MAP4K3: variants seen among roughly 807,000 people sequenced by gnomAD.
MAP4K3 encodes mitogen-activated protein kinase kinase kinase kinase 3.
In MAP4K3, 94 loss-of-function variants were observed where a neutral mutation model predicts 143.5. The observed-to-expected ratio is 0.65, with a 90% CI of 0.55 to 0.78. The LOEUF (loss-of-function observed/expected upper bound fraction) is 0.78, where lower values mean the gene tolerates loss of function less well. Among genes scored for constraint, MAP4K3 ranks in the 30% least tolerant of loss-of-function variants. The pLI is 0.00. For missense variants in MAP4K3, 1,077 were observed against 1,068.1 expected, an observed-to-expected ratio of 1.01 and a Z score of -0.12; for synonymous variants, 416 against 347.2, an observed-to-expected ratio of 1.20 and a Z score of -2.20.
chr2:39,359,763 G>T (rs542623935), intron 2 of MAP4K3, among the ~76,000 whole-genome samples: 1 of 152,376 alleles, frequency 6.6e-6, no homozygotes, highest in African/African-American at 2.4e-5. Context: ...CTTGGGGCTT[G>T]CACCCTCTGA....
At chr2:39,376,606 T>C (rs552127960) in intron 2 of MAP4K3, among the ~76,000 whole-genome samples, 1 of 152,270 alleles carries the variant, frequency 6.6e-6, no homozygotes, top group South Asian at 2.1e-4. Flanking sequence ...ACAAATTTGA[T>C]TAAAACTTAG....
At chr2:39,322,588 GTA>G (rs1206784926) in intron 12 of MAP4K3, among the ~76,000 whole-genome samples, 297 of 87,604 alleles carry the variant, frequency 3.4e-3, no homozygotes, top group African/African-American at 0.013. Context: ...CTTAGATGTG[GTA>G]TATGTGTGTG....
chr2:39,320,958 G>T (rs1288560023), intron 12 of MAP4K3, among the ~76,000 whole-genome samples: 1 of 152,042 alleles, frequency 6.6e-6, no homozygotes, highest in African/African-American at 2.4e-5. Flanking sequence ...CACAGTGTAG[G>T]TACATCTCAG....
intron 1 of MAP4K3, among the ~76,000 whole-genome samples, chr2:39,432,618 A>T (rs565451280): frequency 1.3e-5 from 2 of 152,356 alleles, no homozygotes; most frequent in East Asian, 3.9e-4. Context: ...TAGGTTTAAG[A>T]ATTGAGTTTT....
intron 2 of MAP4K3, among the ~76,000 whole-genome samples, chr2:39,365,149 C>A (rs1177294572): frequency 1.3e-5 from 2 of 152,154 alleles, no homozygotes; most frequent in Non-Finnish European, 2.9e-5. Flanking sequence ...TGCTATCTGT[C>A]ATGTGATGCT....
intron 2 of MAP4K3, among the ~76,000 whole-genome samples, chr2:39,366,731 T>G (rs1205107219): frequency 6.6e-6 from 1 of 152,238 alleles, no homozygotes; most frequent in Non-Finnish European, 1.5e-5. Flanking sequence ...AGTTGTCAAT[T>G]ACTGTGTCAA....
At chr2:39,284,032 C>T (rs1277058134) in intron 21 of MAP4K3, among the ~76,000 whole-genome samples, 1 of 152,116 alleles carries the variant, frequency 6.6e-6, no homozygotes, top group Non-Finnish European at 1.5e-5. Flanking sequence ...TGAGGATGCG[C>T]ACATCTTATT....
chr2:39,359,041 AGT>A (rs1002080839), intron 2 of MAP4K3, among the ~76,000 whole-genome samples: 1 of 152,186 alleles, frequency 6.6e-6, no homozygotes, highest in Non-Finnish European at 1.5e-5. Flanking sequence ...TCAACCCAAA[AGT>A]CCAAGTCCAA....
At chr2:39,405,467 G>C (rs1411658827) in intron 1 of MAP4K3, among the ~76,000 whole-genome samples, 1 of 152,170 alleles carries the variant, frequency 6.6e-6, no homozygotes, top group Non-Finnish European at 1.5e-5. Context: ...AACAAGCCCA[G>C]ACTAGAAAGA....
intron 26 of MAP4K3, among the ~76,000 whole-genome samples, chr2:39,269,419 A>G (rs1680918216): frequency 2.0e-5 from 3 of 151,654 alleles, no homozygotes; most frequent in African/African-American, 7.3e-5. Context: ...TCCCTCCAAT[A>G]AAGAGGTAGG....
In MAP4K3 at chr2:39,286,412, A is replaced by G. The variant is rs1681779484; in HGVS notation, c.1587+440T>C. Among the ~76,000 whole-genome samples, 3 of 152,194 alleles carry G rather than the reference A, an allele frequency of 2.0e-5. No individual in the cohort carries two copies. The South Asian group carries it at 6.2e-4, about 31-fold the overall frequency. ...GCGGCCCAGGGGTTAGGGACCCCTG[A>G]TCTATAGTTAGAAATTTGTCCTGGG... On this transcript the variant is annotated intron_variant, in intron 21 of 33. Coordinates refer to ENST00000263881, the MANE Select transcript of MAP4K3 (RefSeq NM_003618.4).
At chr2:39,284,762 T>C (rs1681689931) in intron 21 of MAP4K3, among the ~76,000 whole-genome samples, 1 of 151,706 alleles carries the variant, frequency 6.6e-6, no homozygotes, top group East Asian at 2.0e-4. Context: ...GAGAATCACT[T>C]GAACCCAGAA....
chr2:39,309,335 G>A, intron 14 of MAP4K3, 126 bp downstream of exon 14: 1 of 658,398 alleles, frequency 1.5e-6, no homozygotes, highest in Non-Finnish European at 2.5e-6. Flanking sequence ...ATGTTGACCA[G>A]GCTGGGACCT....
Position 39,250,049 on chromosome 2 carries a change from G to C in MAP4K3, c.*569C>G, listed in dbSNP as rs529322898. 6.6e-6 allele frequency: 1 copy of C among 152,556 alleles called. No homozygotes were observed. The highest frequency in any genetic ancestry group is 2.4e-5 in the African/African-American group (1 of 41,540). 9.5% of individuals were successfully genotyped at this position (152,556 alleles called of 1,614,324 possible). A position where few individuals can be genotyped will look rare whatever the true frequency, so the allele number is the denominator to read the frequency against. On this transcript the variant is annotated 3_prime_UTR_variant, in exon 34 of 34. Transcript: ENST00000263881. ...ATACTTTGTGCAAATATAAACACCA[G>C]TGTACTTGCATTAAAATTAAAAAGA...
Position 39,258,600 on chromosome 2 carries a change from C to T in MAP4K3, c.2309-13G>A, listed in dbSNP as rs368316475. On this transcript the variant is annotated splice_polypyrimidine_tract_variant and intron_variant, in intron 29 of 33. Transcript: ENST00000263881. ...GTCTGTGGGGTATCTACAATACAAA[C>T]AAATTTTGGTAAACCTACAGAAACT... 3.8e-6 allele frequency: 6 copies of T among 1,598,842 alleles called. No individual in the cohort carries two copies. The East Asian group carries it at 1.1e-4, about 30-fold the overall frequency.
rs1388245945 is a variant in MAP4K3 at position 39,250,625 on chromosome 2, C to G, written c.2678G>C (p.Ser893Thr). 2 of 1,613,522 alleles carry G rather than the reference C, an allele frequency of 1.2e-6. No homozygotes were observed. Among genetic ancestry groups the G allele is most frequent in the South Asian group, 2.2e-5 (2 of 90,992 alleles). The change falls in exon 34 of 34, where the codon AGT (serine) becomes ACT (threonine). Residue 893 changes from serine (S) to threonine (T), a missense_variant. Around this residue, in one of 2 missense-constraint regions of MAP4K3, gnomAD observed 864 missense variants for 801.2 expected, o/e 1.08. Coordinates refer to ENST00000263881, the MANE Select transcript of MAP4K3 (RefSeq NM_003618.4). ...NLYILAGHEN[S>T]Y ...GTCAAAGCACAACAATTCTCAGTAA[C>G]TGTTTTCATGACCCGCCAGGATGTA...
At chr2:39,294,602 C>T (rs1463101704) in intron 16 of MAP4K3, among the ~76,000 whole-genome samples, 2 of 152,202 alleles carry the variant, frequency 1.3e-5, no homozygotes. Context: ...GGATATGGCA[C>T]TGGATAAGTT....
At chr2:39,322,612 GTGTGTA>G (rs981003433) in intron 12 of MAP4K3, among the ~76,000 whole-genome samples, 42 of 146,864 alleles carry the variant, frequency 2.9e-4, no homozygotes, top group African/African-American at 4.6e-4. Context: ...GTGTGTGTGT[GTGTGTA>G]TATATGTATA....
At chr2:39,321,844 T>A (rs533431962) in intron 12 of MAP4K3, among the ~76,000 whole-genome samples, 1 of 152,334 alleles carries the variant, frequency 6.6e-6, no homozygotes, top group South Asian at 2.1e-4. Flanking sequence ...TCTTTTACCT[T>A]GTCTATGATG....
Sources: allele counts gnomAD v4.1 joint callset (sites outside exome capture counted in the v4.1 genomes callset), GRCh38; gene constraint gnomAD v4.1.1; regional missense constraint gnomAD v4.1.1; transcripts MANE v1.5; gene names NCBI Gene and HGNC (gene_info 2026-07-23, HGNC 2026-07-21).